Variants in RCOR1 observed in about 807,000 individuals in gnomAD.
RCOR1 encodes REST corepressor.
A neutral mutation model predicts 64.0 loss-of-function variants in RCOR1; 12 were observed. That is an observed-to-expected ratio of 0.19 (90% confidence interval 0.12 to 0.30). RCOR1 has a LOEUF of 0.30. RCOR1 is among the 10% of genes least tolerant of loss of function. The probability of loss-of-function intolerance (pLI) is 1.00; values close to 1 mark genes in which losing one functional copy is unlikely to be tolerated. For synonymous variants in RCOR1, 279 were observed against 227.2 expected (o/e 1.23, Z -2.05); for missense variants, 502 against 621.2 (o/e 0.81, Z 2.04).
At chr14:102,722,563 T>G in intron 11 of RCOR1, 147 bp downstream of exon 11, 1 of 636,792 alleles carries the variant, frequency 1.6e-6, no homozygotes, top group Non-Finnish European at 2.8e-6. Context: ...AGCCGGAATG[T>G]GTATGCATTG....
chr14:102,680,835 C>T (rs1895287032), intron 2 of RCOR1, among the ~76,000 whole-genome samples: 1 of 152,092 alleles, frequency 6.6e-6, no homozygotes, highest in Admixed American at 6.6e-5. Flanking sequence ...GCGGTCACTC[C>T]ATCTTTTTTG....
At chr14:102,593,541 G>A (rs1467556391) in intron 2 of RCOR1, among the ~76,000 whole-genome samples, 1 of 152,210 alleles carries the variant, frequency 6.6e-6, no homozygotes, top group Non-Finnish European at 1.5e-5. Flanking sequence ...GTCGCCCCCA[G>A]CAGGGCCGGC....
chr14:102,654,263 A>G (rs1412296663), intron 2 of RCOR1, among the ~76,000 whole-genome samples: 2 of 151,980 alleles, frequency 1.3e-5, no homozygotes, highest in Non-Finnish European at 1.5e-5. Flanking sequence ...TCGGGATTAC[A>G]GGTCTGAGCC....
intron 2 of RCOR1, among the ~76,000 whole-genome samples, chr14:102,596,110 T>C (rs887909337): frequency 6.6e-6 from 1 of 152,140 alleles, no homozygotes; most frequent in Admixed American, 6.6e-5. Flanking sequence ...CAACATTTTT[T>C]TTTTTTTTAA....
rs933191129 is a variant in RCOR1 at position 102,641,123 on chromosome 14, C to T, written c.362-40772C>T. On this transcript the variant is annotated intron_variant, in intron 2 of 11. Transcript: ENST00000262241. Reference sequence around the variant, plus strand: ...AAAAAAAATTAGCTGGGCTTGGTGGCGCGTGCCTGTGGTCCCAGCTACTTG... The same window carrying T: ...AAAAAAAATTAGCTGGGCTTGGTGGTGCGTGCCTGTGGTCCCAGCTACTTG... 9.9e-5 allele frequency among the ~76,000 whole-genome samples: 15 copies of T among 151,910 alleles called. No homozygotes were observed. The East Asian group carries it at 2.1e-3, about 22-fold the overall frequency.
intron 2 of RCOR1, among the ~76,000 whole-genome samples, chr14:102,630,772 C>T (rs951569853): frequency 1.3e-5 from 2 of 152,126 alleles, no homozygotes; most frequent in Admixed American, 6.5e-5. Context: ...CCAGAAGTCC[C>T]CTTCTCCCTC....
chr14:102,639,051 G>A (rs903416879), intron 2 of RCOR1, among the ~76,000 whole-genome samples: 1 of 152,132 alleles, frequency 6.6e-6, no homozygotes, highest in Non-Finnish European at 1.5e-5. Flanking sequence ...GTTCATGACT[G>A]TATCCATGGG....
chr14:102,598,700 G>A (rs546723683), intron 2 of RCOR1, among the ~76,000 whole-genome samples: 4 of 152,038 alleles, frequency 2.6e-5, no homozygotes, highest in South Asian at 2.1e-4. Flanking sequence ...CGCCCGCCTC[G>A]GCCTCCCAGA....
intron 7 of RCOR1, among the ~76,000 whole-genome samples, chr14:102,712,947 G>GTTTTT (rs67246962): frequency 2.7e-4 from 21 of 77,698 alleles, no homozygotes; most frequent in Non-Finnish European, 2.6e-4. Context: ...CTAAATCATT[G>GTTTTT]TTTTTTTTTT....
At chr14:102,712,259 T>A (rs1895976275) in intron 7 of RCOR1, among the ~76,000 whole-genome samples, 1 of 152,110 alleles carries the variant, frequency 6.6e-6, no homozygotes, top group African/African-American at 2.4e-5. Context: ...CTTGGCTCAC[T>A]GCAACCTCTG....
At chr14:102,680,963 TTAAAG>T (rs1160736345) in intron 2 of RCOR1, among the ~76,000 whole-genome samples, 3 of 152,244 alleles carry the variant, frequency 2.0e-5, no homozygotes, top group African/African-American at 4.8e-5. Context: ...TTACGGTTCT[TTAAAG>T]TAACTGCCTC....
At chr14:102,694,425 TTTTTTG>T (rs773793217) in intron 3 of RCOR1, among the ~76,000 whole-genome samples, 3 of 152,130 alleles carry the variant, frequency 2.0e-5, no homozygotes, top group Non-Finnish European at 2.9e-5. Flanking sequence ...CCCGGCTAAT[TTTTTTG>T]TTTTTGTTTT....
At chr14:102,634,667 C>T (rs1175670108) in intron 2 of RCOR1, among the ~76,000 whole-genome samples, 2 of 149,910 alleles carry the variant, frequency 1.3e-5, no homozygotes. Context: ...TATATATACA[C>T]ACACACGTAC....
At chr14:102,696,167 CTT>C (rs1181983014) in intron 3 of RCOR1, among the ~76,000 whole-genome samples, 1 of 152,030 alleles carries the variant, frequency 6.6e-6, no homozygotes, top group African/African-American at 2.4e-5. Flanking sequence ...TGTTTGTTCT[CTT>C]CTGTTGCCTG....
chr14:102,655,059 C>T (rs1271159726), intron 2 of RCOR1: 1 of 176,482 alleles, frequency 5.7e-6, no homozygotes, highest in Non-Finnish European at 1.1e-5. Context: ...CATCCTCCCT[C>T]CTCAGCCTCC....
At chr14:102,718,628 G>A (rs1010036999) in intron 8 of RCOR1, among the ~76,000 whole-genome samples, 1 of 152,112 alleles carries the variant, frequency 6.6e-6, no homozygotes, top group African/African-American at 2.4e-5. Context: ...ACAAGTGGAT[G>A]GCTTTTCTTT....
intron 3 of RCOR1, among the ~76,000 whole-genome samples, chr14:102,693,406 A>G (rs1373925335): frequency 6.6e-6 from 1 of 151,734 alleles, no homozygotes; most frequent in Admixed American, 6.5e-5. Context: ...CATAAACAAT[A>G]TATTTTATAA....
chr14:102,613,264 G>A (rs2139891485), intron 2 of RCOR1, among the ~76,000 whole-genome samples: 1 of 151,706 alleles, frequency 6.6e-6, no homozygotes, highest in South Asian at 2.1e-4. Flanking sequence ...ACCACGCCTG[G>A]CTAAGTTTTG....
intron 2 of RCOR1, chr14:102,655,983 AC>A: frequency 1.0e-6 from 1 of 982,096 alleles, no homozygotes; most frequent in Non-Finnish European, 1.2e-6. Flanking sequence ...ACACACACAC[AC>A]ACACGTGAAA....
Sources: gnomAD v4.1 joint callset for allele counts (sites outside exome capture counted in the v4.1 genomes callset) on GRCh38, gnomAD v4.1.1 for gene constraint, MANE v1.5 for transcripts, NCBI Gene and HGNC (gene_info 2026-07-23, HGNC 2026-07-21) for gene names.